PARD3B: variants seen among roughly 807,000 people sequenced by gnomAD.
The protein encoded by PARD3B is partitioning defective 3 homolog B.
Under a neutral mutation model 130.2 loss-of-function variants are expected in PARD3B, and 103 were observed. That is an observed-to-expected ratio of 0.79 (90% CI 0.67 to 0.93). The LOEUF is 0.93. PARD3B is among the 40% of genes least tolerant of loss of function. The pLI, the probability that PARD3B is intolerant of heterozygous loss-of-function variation, is 0.00. For missense variants in PARD3B, 1,609 were observed against 1,499.2 expected (o/e 1.07, Z -1.21); for synonymous variants, 583 against 553.2 (o/e 1.05, Z -0.76).
intron 4 of PARD3B, among the ~76,000 whole-genome samples, chr2:205,101,442 C>A (rs1304487889): frequency 6.6e-6 from 1 of 152,120 alleles, no homozygotes; most frequent in Non-Finnish European, 1.5e-5. Context: ...GTAAGAATGG[C>A]AAATTATTCA....
chr2:204,735,344 A>G (rs1574848560), intron 2 of PARD3B, among the ~76,000 whole-genome samples: 1 of 151,460 alleles, frequency 6.6e-6, no homozygotes, highest in South Asian at 2.1e-4. Flanking sequence ...GTGCACCCCC[A>G]TGAAATGTTC....
intron 2 of PARD3B, among the ~76,000 whole-genome samples, chr2:204,808,583 A>G (rs1355132321): frequency 6.6e-6 from 1 of 152,012 alleles, no homozygotes; most frequent in Non-Finnish European, 1.5e-5. Flanking sequence ...AACATGCAGT[A>G]TTTGGTTTTC....
intron 2 of PARD3B, among the ~76,000 whole-genome samples, chr2:204,868,505 A>G (rs1411240169): frequency 6.6e-6 from 1 of 152,176 alleles, no homozygotes; most frequent in Non-Finnish European, 1.5e-5. Flanking sequence ...TTTTAAAACT[A>G]GAAAAATTTT....
intron 10 of PARD3B, among the ~76,000 whole-genome samples, chr2:205,145,218 T>C (rs2033263279): frequency 6.6e-6 from 1 of 152,090 alleles, no homozygotes; most frequent in Non-Finnish European, 1.5e-5. Context: ...TCTACTGGTT[T>C]AAGATTATAT....
chr2:204,666,469 T>TTA (rs1559041917), intron 1 of PARD3B, among the ~76,000 whole-genome samples: 1 of 152,066 alleles, frequency 6.6e-6, no homozygotes, highest in African/African-American at 2.4e-5. Flanking sequence ...CATGGAATAT[T>TTA]TGGAGAAAAG....
chr2:204,691,287 G>A (rs1441224721), intron 2 of PARD3B, among the ~76,000 whole-genome samples: 1 of 152,044 alleles, frequency 6.6e-6, no homozygotes, highest in African/African-American at 2.4e-5. Context: ...ATTATATAAA[G>A]TCAATTACTG....
chr2:205,437,447 A>G (rs369923160), intron 19 of PARD3B, among the ~76,000 whole-genome samples: 1 of 152,226 alleles, frequency 6.6e-6, no homozygotes, highest in Non-Finnish European at 1.5e-5. Flanking sequence ...AGGCCAGTAC[A>G]GTCCAATAGA....
intron 2 of PARD3B, among the ~76,000 whole-genome samples, chr2:204,820,290 TGG>T (rs1340315525): frequency 6.6e-6 from 1 of 151,554 alleles, no homozygotes; most frequent in East Asian, 2.0e-4. Flanking sequence ...TTTGTCAGGC[TGG>T]TCTTGAACTC....
At position 205,103,589 on chromosome 2, in the gene PARD3B, T is replaced by C. The variant is rs1477554478; in HGVS notation, c.505-837T>C. The C allele has an allele frequency of 7.0e-6, 3 of 431,420 alleles. No individual in the cohort carries two copies. The Admixed American group carries it at 1.9e-4, about 28-fold the overall frequency. 26.7% of individuals were successfully genotyped at this position (431,420 alleles called of 1,614,324 possible). On this transcript the variant is annotated intron_variant, in intron 4 of 22. Transcript: ENST00000406610. The stretch of plus-strand genomic sequence containing the variant: ...ATAATGGGTCTTTCTATATCTGGTT[T>C]GTTGCTTTGATGAAACCGGAGTCCA...
chr2:205,541,802 G>C (rs1214437407), intron 21 of PARD3B, among the ~76,000 whole-genome samples: 8 of 152,066 alleles, frequency 5.3e-5, no homozygotes. Flanking sequence ...ATGATAGGCA[G>C]AGCTACCAAA....
At chr2:204,782,948 A>C (rs1330722362) in intron 2 of PARD3B, among the ~76,000 whole-genome samples, 1 of 152,054 alleles carries the variant, frequency 6.6e-6, no homozygotes, top group Non-Finnish European at 1.5e-5. Flanking sequence ...GGTCTTCCAG[A>C]TCTATTATTC....
rs866260463 is a variant in PARD3B at position 205,238,859 on chromosome 2, T to A, written c.2141-6919T>A. 7.3e-4 allele frequency among the ~76,000 whole-genome samples: 67 copies of A among 91,352 alleles called. 2 individuals carry two copies. Among genetic ancestry groups the A allele is most frequent in the African/African-American group, 1.4e-3 (31 of 22,392 alleles). 59.9% of individuals were successfully genotyped at this position (91,352 alleles called of 152,430 possible). A position where few individuals can be genotyped will look rare whatever the true frequency, so the allele number is the denominator to read the frequency against. On this transcript the variant is annotated intron_variant, in intron 15 of 22. Coordinates refer to ENST00000406610, the MANE Select transcript of PARD3B (RefSeq NM_001302769.2). ...TCAAAAAAAAAAAAAAATATATATA[T>A]ATATATATATATATATATGTATGTG...
intron 1 of PARD3B, among the ~76,000 whole-genome samples, chr2:204,575,828 A>C (rs1312935885): frequency 6.6e-6 from 1 of 152,206 alleles, no homozygotes; most frequent in African/African-American, 2.4e-5. Context: ...TTTGTTCAGT[A>C]GAATCAGTCT....
rs763913324 is a variant in PARD3B at position 205,617,163 on chromosome 2, C to A, written c.*1350C>A. ...GAAACCCCAACCTCTAAGTAGATCA[C>A]AATGTTTTCTGAGCTTTGCAGTAAT... On this transcript the variant is annotated 3_prime_UTR_variant, in exon 23 of 23. Coordinates refer to ENST00000406610, the MANE Select transcript of PARD3B (RefSeq NM_001302769.2). 1 of 154,338 alleles carries A rather than the reference C, an allele frequency of 6.5e-6. No homozygotes were observed. Among genetic ancestry groups the A allele is most frequent in the Non-Finnish European group, 1.5e-5 (1 of 68,202 alleles). 9.6% of individuals were successfully genotyped at this position (154,338 alleles called of 1,614,324 possible). A position where few individuals can be genotyped will look rare whatever the true frequency, so the allele number is the denominator to read the frequency against.
intron 16 of PARD3B, among the ~76,000 whole-genome samples, chr2:205,248,975 C>A (rs2039705830): frequency 7.4e-6 from 1 of 135,174 alleles, no homozygotes. Context: ...TTTCCAAATT[C>A]TTTCTTCAGA....
chr2:205,121,646 C>T lies in PARD3B; in HGVS notation c.862C>T (p.Leu288Phe), dbSNP rs758989091. The T allele has an allele frequency of 9.9e-6, 16 of 1,614,164 alleles. No individual in the cohort carries two copies. The highest frequency in any genetic ancestry group is 2.2e-5 in the East Asian group (1 of 44,876). ...ATCTCCAAGTGTGCTCCTCCACGTG[C>T]TTCCTCCACAAAACCGTGAACAGTA... The part of the protein sequence containing the change: ...MKSPSVLLHV[L>F]PPQNREQYEK... Residue 288 changes from leucine to phenylalanine, a missense_variant, in exon 8 of 23, where the codon CTT becomes TTT. Leu to Phe is a conservative substitution (Grantham distance 22). Coordinates refer to ENST00000406610, the MANE Select transcript of PARD3B (RefSeq NM_001302769.2). This position sits in a 1 kb window ranked among gnomAD's most constrained non-coding sequence, Gnocchi z 5.0.
In PARD3B at chr2:205,470,844, C is replaced by G. The variant is rs985044714; in HGVS notation, c.3045-29052C>G. ...ATAGAATCATAGGGAAGCTCTTAAA[C>G]AGCACCCTGGCCCATTACAGACAAG... On this transcript the variant is annotated intron_variant, in intron 20 of 22. Coordinates refer to ENST00000406610, the MANE Select transcript of PARD3B (RefSeq NM_001302769.2). The surrounding 1 kb of genome is among the most constrained non-coding windows in gnomAD (Gnocchi z 4.8). Among the ~76,000 whole-genome samples, 8 of 152,192 alleles carry G rather than the reference C, an allele frequency of 5.3e-5. No homozygotes were observed. The highest frequency in any genetic ancestry group is 5.2e-4 in the Admixed American group (8 of 15,282).
chr2:205,553,507 A>T, intron 22 of PARD3B, 104 bp downstream of exon 22: 1 of 1,199,614 alleles, frequency 8.3e-7, no homozygotes, highest in Non-Finnish European at 1.2e-6. Context: ...GGAATATGTT[A>T]TAATTTTGCC....
chr2:205,203,703 T>C (rs187812221), intron 15 of PARD3B, among the ~76,000 whole-genome samples: 11 of 152,308 alleles, frequency 7.2e-5, no homozygotes, highest in Admixed American at 3.3e-4. Context: ...ACATGCGGTA[T>C]TTAGTTTTCT....
Sources: gnomAD v4.1 joint callset for allele counts (sites outside exome capture counted in the v4.1 genomes callset) on GRCh38, gnomAD v4.1.1 for gene constraint, Gnocchi (gnomAD v3.1) non-coding constraint, MANE v1.5 for transcripts, NCBI Gene and HGNC (gene_info 2026-07-23, HGNC 2026-07-21) for gene names.